The following PDGFA variants were observed in gnomAD, a reference collection of about 807,000 sequenced individuals.
PDGFA encodes the protein platelet-derived growth factor subunit A.
PDGFA carries 9 observed loss-of-function variants against 25.6 expected under a neutral mutation model. That is an observed-to-expected ratio of 0.35 (90% CI 0.21 to 0.61). The LOEUF (loss-of-function observed/expected upper bound fraction) is 0.61, where lower values mean the gene tolerates loss of function less well. PDGFA is among the 20% of genes least tolerant of loss of function. The probability of loss-of-function intolerance (pLI) is 0.75; values close to 1 mark genes in which losing one functional copy is unlikely to be tolerated. For missense variants in PDGFA, 242 were observed against 272.8 expected (o/e 0.89, Z 0.79); for synonymous variants, 133 against 111.8 (o/e 1.19, Z -1.20).
At position 500,721 on chromosome 7, in the gene PDGFA, G is replaced by A. The variant is rs536212993; in HGVS notation, c.580+395C>T. ...GTGGAGTCCGCGTGGCGGGGTGAAG[G>A]AGAGACCCCAGCCAGCCAGGGCAAC... On this transcript the variant is annotated intron_variant, in intron 5 of 5. Transcript: ENST00000402802. The surrounding 1 kb of genome is among the most constrained non-coding windows in gnomAD (Gnocchi z 5.0). The A allele has an allele frequency of 9.0e-4, 1,297 of 1,440,220 alleles. 33 individuals carry two copies. The South Asian group carries it at 0.018, about 20-fold the overall frequency. The allele number at this position is 1,440,220 out of a possible 1,614,324, so 89.2% of individuals were successfully genotyped here.
chr7:515,321 C>A (rs1416870098), intron 2 of PDGFA, among the ~76,000 whole-genome samples: 1 of 152,120 alleles, frequency 6.6e-6, no homozygotes, highest in Non-Finnish European at 1.5e-5. Flanking sequence ...AGTCCAGGAC[C>A]CGGAGGGATG....
chr7:508,559 CAAAAAAAA>C (rs766165770), intron 4 of PDGFA, among the ~76,000 whole-genome samples: 1,327 of 35,676 alleles, frequency 0.037, 27 homozygotes, highest in Middle Eastern at 0.12. Context: ...GAAGCTGTCC[CAAAAAAAA>C]AAAAAAAAAA....
Position 500,294 on chromosome 7 carries a change from C to T in PDGFA, c.580+822G>A. ...GACGGGGAGCAAGGAGACCCAAGCCCAGCAGACACCATCAAGGCCAATCAG... is the reference window on the plus strand; with the variant it reads ...GACGGGGAGCAAGGAGACCCAAGCCTAGCAGACACCATCAAGGCCAATCAG... On this transcript the variant is annotated intron_variant, in intron 5 of 5. Coordinates refer to ENST00000402802, the Ensembl canonical transcript of PDGFA. The surrounding 1 kb of genome is among the most constrained non-coding windows in gnomAD (Gnocchi z 5.0). 1 of 939,372 alleles carries T rather than the reference C, an allele frequency of 1.1e-6. No individual in the cohort carries two copies. The highest frequency in any genetic ancestry group is 2.2e-5 in the Admixed American group (1 of 45,976). 58.2% of individuals were successfully genotyped at this position (939,372 alleles called of 1,614,324 possible). A position where few individuals can be genotyped will look rare whatever the true frequency, so the allele number is the denominator to read the frequency against.
At chr7:516,098 TC>T (rs1208749674) in intron 2 of PDGFA, among the ~76,000 whole-genome samples, 20 of 122,418 alleles carry the variant, frequency 1.6e-4, no homozygotes, top group African/African-American at 6.1e-4. Context: ...GGCAAGGGAT[TC>T]CCCCCCACAA....
chr7:506,231 C>T (rs1782562154), intron 4 of PDGFA, among the ~76,000 whole-genome samples: 2 of 151,062 alleles, frequency 1.3e-5, no homozygotes, highest in Admixed American at 6.6e-5. Flanking sequence ...TACCTGTGAT[C>T]CCAGGAATTT....
At chr7:515,775 G>T (rs1352124525) in intron 2 of PDGFA, among the ~76,000 whole-genome samples, 2 of 150,928 alleles carry the variant, frequency 1.3e-5, no homozygotes, top group African/African-American at 4.9e-5. Flanking sequence ...GTTTTTTTCT[G>T]TTCGGACCCT....
chr7:505,280 C>T (rs1040651513), intron 4 of PDGFA, among the ~76,000 whole-genome samples: 1 of 152,188 alleles, frequency 6.6e-6, no homozygotes, highest in African/African-American at 2.4e-5. Flanking sequence ...TGTCCCTCCC[C>T]TTTTTCCGTC....
chr7:510,067 G>A (rs529495981), intron 4 of PDGFA, among the ~76,000 whole-genome samples: 4 of 152,226 alleles, frequency 2.6e-5, no homozygotes, highest in African/African-American at 7.2e-5. Context: ...CATGCACCTC[G>A]GCCCCCACTG....
chr7:510,433 C>T (rs1234964289), intron 4 of PDGFA, among the ~76,000 whole-genome samples: 1 of 149,050 alleles, frequency 6.7e-6, no homozygotes. Flanking sequence ...CTGGATGCTG[C>T]AGTGTTGGAT....
In PDGFA at chr7:500,496, C is replaced by T. The variant is rs781766824; in HGVS notation, c.580+620G>A. On this transcript the variant is annotated intron_variant, in intron 5 of 5. Coordinates refer to ENST00000402802, the Ensembl canonical transcript of PDGFA. The surrounding 1 kb of genome is among the most constrained non-coding windows in gnomAD (Gnocchi z 5.0). The stretch of plus-strand genomic sequence containing the variant: ...CCGTTTTTTACCTGACTCCCTAGGC[C>T]TTCCTGTTAACAAAAGGGCAGGGCG... 9 of 1,613,926 alleles carry T rather than the reference C, an allele frequency of 5.6e-6. No homozygotes were observed. In the East Asian group the frequency reaches 1.3e-4, roughly 24 times the overall value.
Position 501,258 on chromosome 7 carries a change from G to A in PDGFA, c.454-16C>T, listed in dbSNP as rs367884583. 34 of 1,613,660 alleles carry A rather than the reference G, an allele frequency of 2.1e-5. No individual in the cohort carries two copies. The highest frequency in any genetic ancestry group is 2.9e-5 in the Non-Finnish European group (34 of 1,180,008). On this transcript the variant is annotated splice_polypyrimidine_tract_variant and intron_variant, in intron 4 of 5. Transcript: ENST00000402802. ...CCTTGGCCACCTGCCAGAGAGAACA[G>A]AGCCCGGCCATGAATGCCTGCATGG...
intron 2 of PDGFA, 91 bp from the exon 3 acceptor site, chr7:512,546 G>A: frequency 6.3e-7 from 1 of 1,590,574 alleles, no homozygotes; most frequent in African/African-American, 1.3e-5. Context: ...ACCAGCTTTG[G>A]GAGCCACTGG....
intron 4 of PDGFA, among the ~76,000 whole-genome samples, chr7:501,760 T>C (rs1782350615): frequency 6.6e-6 from 1 of 152,102 alleles, no homozygotes; most frequent in Non-Finnish European, 1.5e-5. Flanking sequence ...CCTATTTTTG[T>C]TTAAAATAAA....
At position 500,511 on chromosome 7, in the gene PDGFA, A is replaced by AGGGCAG; in HGVS notation, c.580+599_580+604dup. Reference sequence around the variant, plus strand: ...CTCCCTAGGCCTTCCTGTTAACAAAAGGGCAGGGCGGTGAGTGGGCCGAGG... The same window carrying AGGGCAG: ...CTCCCTAGGCCTTCCTGTTAACAAAAGGGCAGGGGCAGGGCGGTGAGTGGGCCGAGG... On this transcript the variant is annotated intron_variant, in intron 5 of 5. Coordinates refer to ENST00000402802, the Ensembl canonical transcript of PDGFA. This position sits in a 1 kb window ranked among gnomAD's most constrained non-coding sequence, Gnocchi z 5.0. 6.2e-7 allele frequency: 1 copy of AGGGCAG among 1,613,914 alleles called. No homozygotes were observed. The highest frequency in any genetic ancestry group is 8.5e-7 in the Non-Finnish European group (1 of 1,179,996).
intron 4 of PDGFA, among the ~76,000 whole-genome samples, chr7:508,401 T>G (rs1246181460): frequency 6.6e-6 from 1 of 151,540 alleles, no homozygotes; most frequent in African/African-American, 2.4e-5. Context: ...TCCCCGACTC[T>G]GCAAAGAATT....
chr7:512,330 A>G (rs1782890967), intron 3 of PDGFA, 21 bp downstream of exon 3: 1 of 1,589,950 alleles, frequency 6.3e-7, no homozygotes, highest in Non-Finnish European at 8.6e-7. Flanking sequence ...TGCCCTGCCC[A>G]TCGCGGCCTC....
Position 500,801 on chromosome 7 carries a change from ATTC to A in PDGFA, c.580+312_580+314del. On this transcript the variant is annotated intron_variant, in intron 5 of 5. Coordinates refer to ENST00000402802, the Ensembl canonical transcript of PDGFA. This position sits in a 1 kb window ranked among gnomAD's most constrained non-coding sequence, Gnocchi z 5.0. ...ACCCTGGCAGGAGGCCCTTCTGCAG[ATTC>A]TTCTCAGCTCAGCCCCGCAGCCCAC... 6.9e-7 allele frequency: 1 copy of A among 1,452,140 alleles called. No homozygotes were observed. 90.0% of individuals were successfully genotyped at this position (1,452,140 alleles called of 1,614,324 possible). A position where few individuals can be genotyped will look rare whatever the true frequency, so the allele number is the denominator to read the frequency against.
At chr7:503,774 A>G (rs1782450684) in intron 4 of PDGFA, among the ~76,000 whole-genome samples, 1 of 152,120 alleles carries the variant, frequency 6.6e-6, no homozygotes, top group South Asian at 2.1e-4. Flanking sequence ...CTGGGGCGTG[A>G]GCAGACAGCC....
intron 4 of PDGFA, 62 bp downstream of exon 4, chr7:510,732 GGGAGGGGAGAGGAGA>G (rs1782777423): frequency 2.8e-5 from 11 of 386,214 alleles, no homozygotes; most frequent in East Asian, 1.4e-4. Flanking sequence ...GGGAGAGGAG[GGGAGGGGAGAGGAGA>G]GGAGGGGAGG....
Sources: allele counts gnomAD v4.1 joint callset (sites outside exome capture counted in the v4.1 genomes callset), GRCh38; gene constraint gnomAD v4.1.1; non-coding constraint Gnocchi (gnomAD v3.1); transcripts MANE v1.5; gene names NCBI Gene and HGNC (gene_info 2026-07-23, HGNC 2026-07-21).